Variants in NALF1 observed in about 807,000 individuals in gnomAD.
The protein encoded by NALF1 is family with sequence similarity 155 member A.
A neutral mutation model predicts 48.4 loss-of-function variants in NALF1; 3 were observed. The observed-to-expected ratio is 0.06, with a 90% CI of 0.03 to 0.16. The LOEUF (loss-of-function observed/expected upper bound fraction) is 0.16. Among genes scored for constraint, NALF1 ranks in the 10% least tolerant of loss-of-function variants. The pLI, the probability that NALF1 is intolerant of heterozygous loss-of-function variation, is 1.00. For missense variants in NALF1, 526 were observed against 571.5 expected, an observed-to-expected ratio of 0.92 and a Z score of 0.81; for synonymous variants, 262 against 245.7, an observed-to-expected ratio of 1.07 and a Z score of -0.62.
intron 1 of NALF1, among the ~76,000 whole-genome samples, chr13:107,667,074 G>C (rs1539130): frequency 6.6e-6 from 1 of 151,820 alleles, no homozygotes; most frequent in Non-Finnish European, 1.5e-5. Flanking sequence ...AATTATACTC[G>C]TGCATTTTTT....
intron 1 of NALF1, among the ~76,000 whole-genome samples, chr13:107,384,789 C>T (rs1352558549): frequency 6.6e-6 from 1 of 152,166 alleles, no homozygotes; most frequent in Non-Finnish European, 1.5e-5. Context: ...CTTTATCCAT[C>T]TGATACAAAA....
At chr13:107,193,067 G>T (rs561762996) in intron 2 of NALF1, among the ~76,000 whole-genome samples, 26 of 151,398 alleles carry the variant, frequency 1.7e-4, no homozygotes, top group Non-Finnish European at 3.7e-4. Context: ...ATTAAACTAG[G>T]CTGTGAAAGC....
chr13:107,473,990 A>G (rs1278021680), intron 1 of NALF1, among the ~76,000 whole-genome samples: 2 of 152,158 alleles, frequency 1.3e-5, no homozygotes, highest in Non-Finnish European at 1.5e-5. Context: ...GTCTCCCCAC[A>G]GTCGTACACT....
intron 1 of NALF1, among the ~76,000 whole-genome samples, chr13:107,554,239 G>C (rs1877387022): frequency 6.6e-6 from 1 of 152,186 alleles, no homozygotes; most frequent in Non-Finnish European, 1.5e-5. Flanking sequence ...TTTGCAGGAA[G>C]CTCCATTTTC....
chr13:107,847,190 T>A (rs1880194824), intron 1 of NALF1, among the ~76,000 whole-genome samples: 1 of 152,238 alleles, frequency 6.6e-6, no homozygotes, highest in South Asian at 2.1e-4. Context: ...TTAATTTACC[T>A]ATTTGCATTT....
intron 1 of NALF1, among the ~76,000 whole-genome samples, chr13:107,537,241 TA>T (rs373496445): frequency 0.016 from 2,410 of 150,708 alleles, 72 homozygotes; most frequent in African/African-American, 0.055. Context: ...TTTAAAAAGT[TA>T]AAAAAAAAGG....
intron 1 of NALF1, among the ~76,000 whole-genome samples, chr13:107,378,695 T>C (rs1004462084): frequency 1.3e-5 from 2 of 152,192 alleles, no homozygotes; most frequent in Non-Finnish European, 2.9e-5. Flanking sequence ...TTGAAATATT[T>C]TGAGATATTG....
chr13:107,469,110 T>C (rs946237811), intron 1 of NALF1, among the ~76,000 whole-genome samples: 17 of 152,280 alleles, frequency 1.1e-4, no homozygotes, highest in African/African-American at 3.8e-4. Flanking sequence ...TTTATATTTT[T>C]ATACTCAGTT....
intron 1 of NALF1, among the ~76,000 whole-genome samples, chr13:107,255,290 A>G (rs1880790939): frequency 6.6e-6 from 1 of 152,020 alleles, no homozygotes; most frequent in African/African-American, 2.4e-5. Context: ...GTCTTCCTTC[A>G]TTTTCCACAA....
intron 1 of NALF1, among the ~76,000 whole-genome samples, chr13:107,214,641 G>T (rs533878322): frequency 1.3e-3 from 204 of 152,092 alleles, no homozygotes; most frequent in Non-Finnish European, 1.1e-3. Flanking sequence ...ATGGCCCACC[G>T]CCCCCACGCT....
intron 1 of NALF1, among the ~76,000 whole-genome samples, chr13:107,501,278 C>T (rs750901973): frequency 4.6e-5 from 7 of 152,062 alleles, no homozygotes; most frequent in Non-Finnish European, 8.8e-5. Flanking sequence ...ACAAACACCC[C>T]CTAAAAGACC....
intron 1 of NALF1, among the ~76,000 whole-genome samples, chr13:107,599,972 GTTA>G (rs1448014758): frequency 2.0e-5 from 3 of 152,040 alleles, no homozygotes; most frequent in Non-Finnish European, 4.4e-5. Flanking sequence ...CTGATATAAT[GTTA>G]TTATTACTTG....
chr13:107,804,070 C>T (rs1299936328), intron 1 of NALF1, among the ~76,000 whole-genome samples: 1 of 152,144 alleles, frequency 6.6e-6, no homozygotes, highest in Non-Finnish European at 1.5e-5. Context: ...GTCCTCTTTT[C>T]TACTTTCCTG....
intron 1 of NALF1, among the ~76,000 whole-genome samples, chr13:107,529,653 C>T (rs1193225258): frequency 1.3e-5 from 2 of 152,146 alleles, no homozygotes; most frequent in Non-Finnish European, 2.9e-5. Flanking sequence ...GCCAACCATT[C>T]ACCAGCTTGG....
rs71121542 is a variant in NALF1, at chr13:107,659,816, C to CT, written c.915+205865dup. Among the ~76,000 whole-genome samples the CT allele has an allele frequency of 4.0e-3, 584 of 146,012 alleles. 2 individuals carry two copies. The highest frequency in any genetic ancestry group is 0.011 in the African/African-American group (447 of 39,978). The stretch of plus-strand genomic sequence containing the variant: ...AAAAGTATAAATTGCCAAACATTTT[C>CT]TTTTTTTTTTTTGAGATGTAGTCTC... On this transcript the variant is annotated intron_variant, in intron 1 of 2. Transcript: ENST00000375915.
intron 1 of NALF1, among the ~76,000 whole-genome samples, chr13:107,699,180 G>C (rs1043845648): frequency 1.3e-5 from 2 of 152,024 alleles, no homozygotes; most frequent in African/African-American, 4.8e-5. Flanking sequence ...ATGTTAATGT[G>C]AACTTTTTGG....
At chr13:107,819,752 A>ACTCT (rs138204663) in intron 1 of NALF1, among the ~76,000 whole-genome samples, 45,855 of 143,072 alleles carry the variant, frequency 0.32, 9,835 homozygotes, top group African/African-American at 0.6. Flanking sequence ...CTCTCTGGAA[A>ACTCT]CTCTCTCTCT....
At chr13:107,509,654 GA>G (rs1004185994) in intron 1 of NALF1, among the ~76,000 whole-genome samples, 2 of 152,050 alleles carry the variant, frequency 1.3e-5, no homozygotes, top group African/African-American at 4.8e-5. Flanking sequence ...CATAAATGGA[GA>G]AGGGATTAAT....
chr13:107,791,786 C>CA (rs540286894), intron 1 of NALF1, among the ~76,000 whole-genome samples: 25 of 151,770 alleles, frequency 1.6e-4, no homozygotes, highest in Non-Finnish European at 2.9e-4. Context: ...CCCGCCCCCC[C>CA]CCGTCTCTAC....
Sources: allele counts gnomAD v4.1 joint callset (sites outside exome capture counted in the v4.1 genomes callset), GRCh38; gene constraint gnomAD v4.1.1; transcripts MANE v1.5; gene names NCBI Gene and HGNC (gene_info 2026-07-23, HGNC 2026-07-21).